The following COLEC12 variants were observed in gnomAD, a reference collection of about 807,000 sequenced individuals.
COLEC12 encodes the protein collectin subfamily member 12, also known as collectin-12.
Under a neutral mutation model 71.1 loss-of-function variants are expected in COLEC12, and 33 were observed. The observed-to-expected ratio is 0.46, with a 90% CI of 0.35 to 0.62. The LOEUF is 0.62. Among genes scored for constraint, COLEC12 ranks in the 20% least tolerant of loss-of-function variants. The pLI, the probability that COLEC12 is intolerant of heterozygous loss-of-function variation, is 0.00. For missense variants in COLEC12, 765 were observed against 916.1 expected, an observed-to-expected ratio of 0.84 and a Z score of 2.13; for synonymous variants, 350 against 353.0, an observed-to-expected ratio of 0.99 and a Z score of 0.10.
At chr18:378,399 T>C (rs1341085171) in intron 2 of COLEC12, among the ~76,000 whole-genome samples, 5 of 152,154 alleles carry the variant, frequency 3.3e-5, no homozygotes, top group Non-Finnish European at 5.9e-5. Flanking sequence ...TTAGGGAAAA[T>C]AGCTGCAAGG....
At chr18:409,921 G>T (rs1915861214) in intron 2 of COLEC12, among the ~76,000 whole-genome samples, 1 of 152,176 alleles carries the variant, frequency 6.6e-6, no homozygotes, top group Admixed American at 6.5e-5. Flanking sequence ...GGCTGACTGA[G>T]GCATGTGGCG....
intron 2 of COLEC12, among the ~76,000 whole-genome samples, chr18:441,532 C>T (rs998320033): frequency 4.6e-5 from 7 of 152,114 alleles, no homozygotes; most frequent in African/African-American, 1.7e-4. Context: ...GGGGCATTCA[C>T]GGCGATGGAT....
chr18:456,021 T>G (rs1053519188), intron 2 of COLEC12, among the ~76,000 whole-genome samples: 1 of 152,186 alleles, frequency 6.6e-6, no homozygotes, highest in African/African-American at 2.4e-5. Flanking sequence ...AGGCAGGGTA[T>G]GAAATCAGAC....
At chr18:451,733 C>T (rs140122114) in intron 2 of COLEC12, among the ~76,000 whole-genome samples, 2,950 of 149,970 alleles carry the variant, frequency 0.02, 64 homozygotes, top group Non-Finnish European at 0.024. Flanking sequence ...GACAACAAAG[C>T]GAGACTCCAT....
intron 2 of COLEC12, among the ~76,000 whole-genome samples, chr18:391,173 G>A (rs763897753): frequency 1.3e-5 from 2 of 152,178 alleles, no homozygotes; most frequent in Non-Finnish European, 2.9e-5. Context: ...TTGGTGTGTA[G>A]CTTCCTGCAT....
intron 2 of COLEC12, among the ~76,000 whole-genome samples, chr18:401,903 C>T (rs775231829): frequency 5.3e-5 from 8 of 152,114 alleles, no homozygotes; most frequent in Non-Finnish European, 8.8e-5. Context: ...CTGAAAGGGA[C>T]ATAGGGCTTC....
intron 1 of COLEC12, among the ~76,000 whole-genome samples, chr18:487,905 A>G (rs1917549636): frequency 6.6e-6 from 1 of 152,244 alleles, no homozygotes; most frequent in Admixed American, 6.5e-5. Context: ...CTGCTCTTAA[A>G]TAAGACAGTT....
chr18:448,018 C>T (rs913240583), intron 2 of COLEC12, among the ~76,000 whole-genome samples: 3 of 152,104 alleles, frequency 2.0e-5, no homozygotes, highest in South Asian at 2.1e-4. Flanking sequence ...TGTGAAAATA[C>T]GTATCCAAAA....
intron 1 of COLEC12, among the ~76,000 whole-genome samples, chr18:491,513 C>T (rs1917619231): frequency 6.6e-6 from 1 of 152,226 alleles, no homozygotes; most frequent in African/African-American, 2.4e-5. Flanking sequence ...AAACATCCAA[C>T]ACATACCATC....
rs114873744 is a variant in COLEC12, at chr18:418,181, T to C, written c.59-60659A>G. On this transcript the variant is annotated intron_variant, in intron 2 of 9. Transcript: ENST00000400256. ...ATTTGAAAATAGTGTTATTAATATC[T>C]CTCTCATTGGATCAGCATGTGGAGC... 8.2e-3 allele frequency among the ~76,000 whole-genome samples: 1,251 copies of C among 152,296 alleles called. 20 individuals are homozygous for C. The highest frequency in any genetic ancestry group is 0.029 in the African/African-American group (1,194 of 41,548).
chr18:326,970 T>C (rs1323282589), intron 8 of COLEC12, among the ~76,000 whole-genome samples: 10 of 152,292 alleles, frequency 6.6e-5, no homozygotes, highest in East Asian at 1.9e-4. Flanking sequence ...ATGATCCCAA[T>C]GACGACTGCT....
intron 2 of COLEC12, among the ~76,000 whole-genome samples, chr18:418,647 G>A (rs1314547372): frequency 1.3e-5 from 2 of 152,208 alleles, no homozygotes; most frequent in African/African-American, 4.8e-5. Context: ...AAACCAAGAT[G>A]GCGATGAGAG....
chr18:437,933 A>G (rs1182079827), intron 2 of COLEC12, among the ~76,000 whole-genome samples: 2 of 152,252 alleles, frequency 1.3e-5, no homozygotes, highest in African/African-American at 4.8e-5. Flanking sequence ...GTCATCTCAT[A>G]GCACACATAG....
intron 2 of COLEC12, among the ~76,000 whole-genome samples, chr18:394,524 G>A (rs545540089): frequency 2.4e-4 from 37 of 152,306 alleles, no homozygotes; most frequent in African/African-American, 8.9e-4. Context: ...AAACATATTC[G>A]AAAGACATTG....
intron 2 of COLEC12, among the ~76,000 whole-genome samples, chr18:364,599 A>G (rs1914816817): frequency 6.6e-6 from 1 of 152,208 alleles, no homozygotes; most frequent in African/African-American, 2.4e-5. Context: ...TAAGTGCTGA[A>G]TCTTTTCATT....
intron 2 of COLEC12, among the ~76,000 whole-genome samples, chr18:361,151 C>T (rs1222128237): frequency 6.6e-6 from 1 of 152,172 alleles, no homozygotes; most frequent in African/African-American, 2.4e-5. Flanking sequence ...TTGATGTTCA[C>T]TTACTGCCTA....
At chr18:381,710 G>GA (rs1943199832) in intron 2 of COLEC12, among the ~76,000 whole-genome samples, 1 of 152,112 alleles carries the variant, frequency 6.6e-6, no homozygotes, top group South Asian at 2.1e-4. Flanking sequence ...TGTCATGAAG[G>GA]AAAAAATGGA....
intron 2 of COLEC12, among the ~76,000 whole-genome samples, chr18:471,890 G>T (rs1006986726): frequency 6.6e-6 from 1 of 152,020 alleles, no homozygotes; most frequent in Non-Finnish European, 1.5e-5. Context: ...CTCAACGTTG[G>T]TCAATGAGAT....
intron 1 of COLEC12, among the ~76,000 whole-genome samples, chr18:481,170 GGTTAA>G (rs1376389409): frequency 6.6e-6 from 1 of 152,120 alleles, no homozygotes; most frequent in African/African-American, 2.4e-5. Context: ...CCGCCAAAGG[GGTTAA>G]GTTATCTTTA....
Sources: gnomAD v4.1 joint callset for allele counts (sites outside exome capture counted in the v4.1 genomes callset) on GRCh38, gnomAD v4.1.1 for gene constraint, MANE v1.5 for transcripts, NCBI Gene and HGNC (gene_info 2026-07-23, HGNC 2026-07-21) for gene names.